OXR1: variants seen among roughly 807,000 people sequenced by gnomAD.
OXR1 encodes oxidation resistance protein 1.
In OXR1, 41 loss-of-function variants were observed where a neutral mutation model predicts 104.6. The observed-to-expected ratio is 0.39, with a 90% CI of 0.31 to 0.51. The LOEUF is 0.51. Ranked by LOEUF, OXR1 falls within the 20% of genes least tolerant of loss-of-function variation. The pLI is 0.77. For missense variants in OXR1, 955 were observed against 1,031.9 expected (o/e 0.93, Z 1.02); for synonymous variants, 348 against 348.4 (o/e 1.00, Z 0.01).
At chr8:106,386,755 A>T (rs1489240257) in intron 2 of OXR1, among the ~76,000 whole-genome samples, 1 of 152,206 alleles carries the variant, frequency 6.6e-6, no homozygotes, top group East Asian at 1.9e-4. Context: ...TTTTGGAAAC[A>T]GGAGTCTGCA....
At chr8:106,480,639 A>C (rs1242918461) in intron 2 of OXR1, among the ~76,000 whole-genome samples, 1 of 151,632 alleles carries the variant, frequency 6.6e-6, no homozygotes, top group Non-Finnish European at 1.5e-5. Flanking sequence ...GCCCTCAGTA[A>C]ACCCTTATTT....
chr8:106,546,212 C>G (rs761732543), intron 3 of OXR1, among the ~76,000 whole-genome samples: 5 of 152,116 alleles, frequency 3.3e-5, no homozygotes, highest in Non-Finnish European at 5.9e-5. Context: ...CTTTACCCAC[C>G]ACAGTTTTTG....
intron 1 of OXR1, 95 bp from the exon 2 acceptor site, chr8:106,359,381 T>C (rs1484879879): frequency 3.9e-6 from 2 of 512,106 alleles, no homozygotes; most frequent in Admixed American, 3.2e-5. Flanking sequence ...GTGTATCTTA[T>C]ACCATGACAA....
At chr8:106,284,214 G>A (rs1812402120) in intron 1 of OXR1, among the ~76,000 whole-genome samples, 1 of 152,022 alleles carries the variant, frequency 6.6e-6, no homozygotes. Flanking sequence ...TCAGCAGGTT[G>A]TGCTGCAGAG....
At chr8:106,494,265 A>G (rs1811281373) in intron 2 of OXR1, among the ~76,000 whole-genome samples, 1 of 152,112 alleles carries the variant, frequency 6.6e-6, no homozygotes, top group African/African-American at 2.4e-5. Context: ...CTGTAGCATC[A>G]AGTTTTTGCA....
At chr8:106,420,319 T>C (rs1020612331) in intron 2 of OXR1, among the ~76,000 whole-genome samples, 1 of 151,998 alleles carries the variant, frequency 6.6e-6, no homozygotes, top group Admixed American at 6.6e-5. Flanking sequence ...ATTTTTCTTA[T>C]GAATTTCTTT....
At chr8:106,553,623 AT>A (rs1362503944) in intron 3 of OXR1, among the ~76,000 whole-genome samples, 2 of 152,158 alleles carry the variant, frequency 1.3e-5, no homozygotes, top group Non-Finnish European at 2.9e-5. Context: ...TCCAGCTGCA[AT>A]TTTATTCTTA....
chr8:106,421,479 G>A (rs1818905257), intron 2 of OXR1, among the ~76,000 whole-genome samples: 1 of 152,170 alleles, frequency 6.6e-6, no homozygotes, highest in Non-Finnish European at 1.5e-5. Context: ...GCTGCAGGGT[G>A]GAGAGGCAGT....
chr8:106,545,873 G>C (rs1188315958), intron 3 of OXR1, among the ~76,000 whole-genome samples: 1 of 152,006 alleles, frequency 6.6e-6, no homozygotes, highest in African/African-American at 2.4e-5. Flanking sequence ...GTGCACAGCT[G>C]TAGTCCCTGC....
chr8:106,510,219 G>GT (rs1812434773), intron 2 of OXR1, among the ~76,000 whole-genome samples: 1 of 152,032 alleles, frequency 6.6e-6, no homozygotes, highest in Non-Finnish European at 1.5e-5. Context: ...CTTCTTTGTG[G>GT]TTTTTCCCCT....
At chr8:106,616,164 C>T (rs1395694217) in intron 3 of OXR1, among the ~76,000 whole-genome samples, 2 of 149,874 alleles carry the variant, frequency 1.3e-5, no homozygotes, top group African/African-American at 4.9e-5. Flanking sequence ...GACTCAGCCT[C>T]CTGAGTAGCT....
chr8:106,270,437 A>G (rs2130452265), intron 1 of OXR1, 70 bp downstream of exon 1: 1 of 152,270 alleles, frequency 6.6e-6, no homozygotes, highest in Non-Finnish European at 1.5e-5. Context: ...AGGGATAGCG[A>G]GAGGCGCGGC....
chr8:106,742,365 A>G (rs1239536733), intron 15 of OXR1, 48 bp downstream of exon 15: 2 of 1,060,256 alleles, frequency 1.9e-6, no homozygotes, highest in East Asian at 2.4e-5. Flanking sequence ...TTGACATAAC[A>G]TACTGCCCAA....
chr8:106,383,808 A>T (rs1328203109), intron 2 of OXR1, among the ~76,000 whole-genome samples: 4 of 152,192 alleles, frequency 2.6e-5, no homozygotes, highest in Non-Finnish European at 5.9e-5. Flanking sequence ...TGCAGCCTTT[A>T]ATCAAAATCA....
At chr8:106,282,241 G>T (rs1812320228) in intron 1 of OXR1, among the ~76,000 whole-genome samples, 1 of 152,172 alleles carries the variant, frequency 6.6e-6, no homozygotes, top group African/African-American at 2.4e-5. Flanking sequence ...AATTATGGGT[G>T]TGGGTCAGAA....
chr8:106,286,683 G>A (rs201687152), intron 1 of OXR1, among the ~76,000 whole-genome samples: 12,636 of 136,712 alleles, frequency 0.092, 599 homozygotes, highest in African/African-American at 0.13. Flanking sequence ...ATGTACTACA[G>A]AAACAAACAT....
intron 2 of OXR1, among the ~76,000 whole-genome samples, chr8:106,412,113 A>G (rs1015524234): frequency 1.3e-5 from 2 of 152,168 alleles, no homozygotes; most frequent in African/African-American, 4.8e-5. Context: ...TGTTACCTGC[A>G]TTTAAATTAT....
chr8:106,472,670 A>G (rs1821581068), intron 2 of OXR1, among the ~76,000 whole-genome samples: 1 of 151,874 alleles, frequency 6.6e-6, no homozygotes, highest in African/African-American at 2.4e-5. Context: ...GACTTATGCA[A>G]TTAAATTACA....
At chr8:106,513,166 A>G (rs946292134) in intron 2 of OXR1, among the ~76,000 whole-genome samples, 1 of 152,092 alleles carries the variant, frequency 6.6e-6, no homozygotes, top group African/African-American at 2.4e-5. Context: ...AGTTTTGGAT[A>G]TTTTCTGCCA....
Sources: allele counts gnomAD v4.1 joint callset (sites outside exome capture counted in the v4.1 genomes callset), GRCh38; gene constraint gnomAD v4.1.1; transcripts MANE v1.5; gene names NCBI Gene and HGNC (gene_info 2026-07-23, HGNC 2026-07-21).